PPARGC1B: variants seen among roughly 807,000 people sequenced by gnomAD.
The protein encoded by PPARGC1B is peroxisome proliferator-activated receptor gamma coactivator 1-beta.
In PPARGC1B, 34 loss-of-function variants were observed where a neutral mutation model predicts 101.6. The observed-to-expected ratio is 0.33, with a 90% CI of 0.25 to 0.45. PPARGC1B has a LOEUF of 0.45. Among genes scored for constraint, PPARGC1B ranks in the 20% least tolerant of loss-of-function variants. PPARGC1B has a pLI of 1.00. For synonymous variants in PPARGC1B, 548 were observed against 539.3 expected (o/e 1.02, Z -0.22); for missense variants, 1,234 against 1,317.6 (o/e 0.94, Z 0.98).
intron 3 of PPARGC1B, among the ~76,000 whole-genome samples, chr5:149,829,807 G>A (rs554660896): frequency 4.0e-5 from 6 of 151,872 alleles, no homozygotes; most frequent in African/African-American, 1.4e-4. Flanking sequence ...AGGCCGAGGC[G>A]GGCAGATCGC....
chr5:149,775,725 C>T (rs529258445), intron 1 of PPARGC1B, among the ~76,000 whole-genome samples: 2 of 152,286 alleles, frequency 1.3e-5, no homozygotes, highest in Admixed American at 1.3e-4. Context: ...ACACTCTTCC[C>T]TGTCCTAGGA....
chr5:149,770,319 C>T (rs1335870747), intron 1 of PPARGC1B, among the ~76,000 whole-genome samples: 2 of 152,092 alleles, frequency 1.3e-5, no homozygotes, highest in Non-Finnish European at 2.9e-5. Context: ...TAAAAAAAGG[C>T]GAGAACACTC....
chr5:149,753,842 T>C (rs538219603), intron 1 of PPARGC1B, among the ~76,000 whole-genome samples: 9 of 152,032 alleles, frequency 5.9e-5, no homozygotes, highest in African/African-American at 2.2e-4. Context: ...TACAGGTGCC[T>C]GCCACCACGC....
Position 149,852,243 on chromosome 5 carries a change from A to C in PPARGC1B, c.*4685A>C, listed in dbSNP as rs781725672. 9.9e-5 allele frequency: 15 copies of C among 152,248 alleles called. No homozygotes were observed. The highest frequency in any genetic ancestry group is 1.5e-4 in the Non-Finnish European group (10 of 68,048). The allele number at this position is 152,248 out of a possible 1,614,324, so 9.4% of individuals were successfully genotyped here. ...TAACTGTAAGCCATCTCAGAATCAG[A>C]AACCCTAATGTTTCTTACTTGCTAT... is the stretch of plus-strand genomic sequence containing the variant. On this transcript the variant is annotated 3_prime_UTR_variant, in exon 12 of 12. Transcript: ENST00000309241.
At position 149,836,798 on chromosome 5, in the gene PPARGC1B, C is replaced by G. The variant is rs1339514807; in HGVS notation, c.2343C>G (p.Ala781=). The G allele has an allele frequency of 1.2e-6, 2 of 1,613,496 alleles. No homozygotes were observed. The highest frequency in any genetic ancestry group is 1.3e-5 in the African/African-American group (1 of 74,948). ...LETALEEEDL[A]SCKSPEYDTV... is the part of the protein sequence containing the mutation. ...CCGCCCTGGAGGAGGAAGACCTGGC[C>G]TCCTGCAAGAGCCCTGAGTATGACA... The change falls in exon 8 of 12, where the codon GCC becomes GCG. Residue 781 remains alanine, a synonymous_variant. Transcript: ENST00000309241.
Position 149,801,230 on chromosome 5 carries a change from A to G in PPARGC1B, c.79-19203A>G, listed in dbSNP as rs1561555881. Among the ~76,000 whole-genome samples the G allele has an allele frequency of 2.6e-5, 4 of 152,338 alleles. No homozygotes were observed. The South Asian group carries it at 8.3e-4, about 32-fold the overall frequency. On this transcript the variant is annotated intron_variant, in intron 1 of 11. Transcript: ENST00000309241. Reference sequence around the variant, plus strand: ...GAGCATTAATAAAATACTCATGCATATAAATGTTTAATAATAAATGCTTAA... The same window carrying G: ...GAGCATTAATAAAATACTCATGCATGTAAATGTTTAATAATAAATGCTTAA...
At chr5:149,809,637 A>G (rs1757767807) in intron 1 of PPARGC1B, among the ~76,000 whole-genome samples, 1 of 148,990 alleles carries the variant, frequency 6.7e-6, no homozygotes, top group Non-Finnish European at 1.5e-5. Flanking sequence ...GCAATCAGCC[A>G]TGATCATGTT....
chr5:149,753,924 C>T (rs1278211428), intron 1 of PPARGC1B, among the ~76,000 whole-genome samples: 2 of 152,170 alleles, frequency 1.3e-5, no homozygotes, highest in African/African-American at 4.8e-5. Context: ...GAACTCCTGA[C>T]CTCAGGTGAT....
chr5:149,836,042 C>G (rs910206619), intron 7 of PPARGC1B, among the ~76,000 whole-genome samples: 2 of 147,350 alleles, frequency 1.4e-5, no homozygotes, highest in Non-Finnish European at 3.0e-5. Context: ...ACTGCACCAA[C>G]AAGCCTGTTT....
intron 1 of PPARGC1B, among the ~76,000 whole-genome samples, chr5:149,732,045 GGTGTGTGTGTGTGT>G (rs3042304): frequency 6.7e-5 from 10 of 149,024 alleles, no homozygotes; most frequent in African/African-American, 2.2e-4. Flanking sequence ...TGCGCGCGCG[GGTGTGTGTGTGTGT>G]GTGTGTGTGT....
intron 1 of PPARGC1B, among the ~76,000 whole-genome samples, chr5:149,736,958 A>G (rs554638451): frequency 2.0e-5 from 3 of 152,186 alleles, no homozygotes; most frequent in Non-Finnish European, 4.4e-5. Context: ...TGTAGTTTAC[A>G]TTAGGGTTCA....
At chr5:149,747,503 G>GGGCCC (rs1387555456) in intron 1 of PPARGC1B, among the ~76,000 whole-genome samples, 3 of 152,218 alleles carry the variant, frequency 2.0e-5, no homozygotes, top group African/African-American at 7.2e-5. Flanking sequence ...AAGCCACACA[G>GGGCCC]AGGTCCCCAG....
intron 2 of PPARGC1B, among the ~76,000 whole-genome samples, chr5:149,824,507 G>A (rs1449687081): frequency 6.6e-6 from 1 of 152,162 alleles, no homozygotes; most frequent in Non-Finnish European, 1.5e-5. Context: ...GAGGAAGGCT[G>A]GCCAGGGATC....
intron 1 of PPARGC1B, among the ~76,000 whole-genome samples, chr5:149,742,111 A>G (rs995716940): frequency 2.4e-4 from 36 of 152,162 alleles, no homozygotes; most frequent in African/African-American, 8.2e-4. Context: ...CACATGTGTA[A>G]TCACATTTAA....
downstream of PPARGC1B, among the ~76,000 whole-genome samples, chr5:149,855,550 C>T (rs574488250): frequency 7.2e-5 from 11 of 152,202 alleles, no homozygotes; most frequent in African/African-American, 2.6e-4. Context: ...AAAATGGTTT[C>T]TGGTCAGAGG....
chr5:149,781,327 G>A (rs10476919), intron 1 of PPARGC1B, among the ~76,000 whole-genome samples: 33,034 of 152,152 alleles, frequency 0.22, 3,951 homozygotes, highest in East Asian at 0.37. Context: ...CACCTGACAG[G>A]TTGGCTGTCC....
intron 1 of PPARGC1B, among the ~76,000 whole-genome samples, chr5:149,779,148 A>G (rs1278247202): frequency 6.6e-6 from 1 of 152,186 alleles, no homozygotes; most frequent in Admixed American, 6.5e-5. Context: ...ATCTGAGTGC[A>G]GCCCATGGAA....
chr5:149,827,653 C>T (rs1758582759), intron 3 of PPARGC1B, among the ~76,000 whole-genome samples: 1 of 152,214 alleles, frequency 6.6e-6, no homozygotes, highest in African/African-American at 2.4e-5. Context: ...CAGATACTTG[C>T]AGATTGCCCT....
chr5:149,799,342 C>A (rs1188420757), intron 1 of PPARGC1B, among the ~76,000 whole-genome samples: 1 of 152,170 alleles, frequency 6.6e-6, no homozygotes, highest in East Asian at 1.9e-4. Flanking sequence ...TGATTCTCTG[C>A]TCTCCTCTTC....
Sources: gnomAD v4.1 joint callset for allele counts (sites outside exome capture counted in the v4.1 genomes callset) on GRCh38, gnomAD v4.1.1 for gene constraint, MANE v1.5 for transcripts, NCBI Gene and HGNC (gene_info 2026-07-23, HGNC 2026-07-21) for gene names.